Variants in THRB observed in about 807,000 individuals in gnomAD.
THRB encodes the protein thyroid hormone receptor beta, also known as nuclear receptor subfamily 1 group A member 2.
In THRB, 12 loss-of-function variants were observed where a neutral mutation model predicts 47.8. The observed-to-expected ratio is 0.25, with a 90% CI of 0.16 to 0.41. THRB has a LOEUF of 0.41. Among genes scored for constraint, THRB ranks in the 10% least tolerant of loss-of-function variants. The probability of loss-of-function intolerance (pLI) is 1.00; values close to 1 mark genes in which losing one functional copy is unlikely to be tolerated. For missense variants in THRB, 348 were observed against 589.2 expected, an observed-to-expected ratio of 0.59 and a Z score of 4.24; for synonymous variants, 218 against 212.2, an observed-to-expected ratio of 1.03 and a Z score of -0.24.
chr3:24,373,153 AG>A (rs1486773616), intron 1 of THRB, among the ~76,000 whole-genome samples: 1 of 152,098 alleles, frequency 6.6e-6, no homozygotes, highest in African/African-American at 2.4e-5. Flanking sequence ...TTAAAAAAAA[AG>A]TTAGAAAACC....
In THRB at chr3:24,160,139, G is replaced by T. The variant is rs1334969971; in HGVS notation, c.284-7649C>A. 2.0e-5 allele frequency among the ~76,000 whole-genome samples: 3 copies of T among 152,260 alleles called. No homozygotes were observed. In the East Asian group the frequency reaches 5.8e-4, roughly 29 times the overall value. On this transcript the variant is annotated intron_variant, in intron 5 of 10. Coordinates refer to ENST00000646209, the MANE Select transcript of THRB (RefSeq NM_001354712.2). ...GGCCCACCAGGGTGTGGCTGGCAGT[G>T]GGTGACAGCTGGAAGAAAGCATACT...
chr3:24,395,403 A>C (rs2150021506), intron 1 of THRB, among the ~76,000 whole-genome samples: 1 of 152,234 alleles, frequency 6.6e-6, no homozygotes, highest in Middle Eastern at 3.4e-3. Context: ...TACGTAAAGG[A>C]CTATTATAAC....
At chr3:24,316,472 G>A (rs773329459) in intron 2 of THRB, among the ~76,000 whole-genome samples, 70 of 140,264 alleles carry the variant, frequency 5.0e-4, no homozygotes, top group Non-Finnish European at 8.5e-4. Flanking sequence ...CTTCCTTCTC[G>A]CCCTCTTGCT....
chr3:24,440,877 C>T (rs890555874), intron 1 of THRB, among the ~76,000 whole-genome samples: 1 of 152,140 alleles, frequency 6.6e-6, no homozygotes, highest in Admixed American at 6.5e-5. Flanking sequence ...TGACAAATTC[C>T]TACCAAATTA....
At chr3:24,320,397 T>G (rs2058408178) in intron 2 of THRB, among the ~76,000 whole-genome samples, 1 of 152,180 alleles carries the variant, frequency 6.6e-6, no homozygotes, top group African/African-American at 2.4e-5. Context: ...TCAGTGTTTC[T>G]CAACAAGGAC....
rs373314449 is a variant in THRB, at chr3:24,313,597, T to A, written c.-188-16226A>T. On this transcript the variant is annotated intron_variant, in intron 2 of 10. Transcript: ENST00000646209. ...TATTATATGCTCTATTGTTATTTAG[T>A]GTTATCCCTTTTCACTTGATATATA... is the stretch of plus-strand genomic sequence containing the variant. Among the ~76,000 whole-genome samples, 31 of 152,340 alleles carry A rather than the reference T, an allele frequency of 2.0e-4. 1 individual carries two copies. In the South Asian group the frequency reaches 6.0e-3, roughly 30 times the overall value.
At chr3:24,334,892 T>C (rs114856810) in intron 2 of THRB, among the ~76,000 whole-genome samples, 5,065 of 152,300 alleles carry the variant, frequency 0.033, 283 homozygotes, top group African/African-American at 0.12. Flanking sequence ...TAGAATTCCA[T>C]GTCACCTGGC....
At chr3:24,399,415 A>G (rs2150063877) in intron 1 of THRB, among the ~76,000 whole-genome samples, 1 of 152,170 alleles carries the variant, frequency 6.6e-6, no homozygotes, top group East Asian at 1.9e-4. Context: ...AGCACTAGCT[A>G]TATGATTTAT....
At chr3:24,336,361 C>T (rs1253926275) in intron 2 of THRB, among the ~76,000 whole-genome samples, 2 of 152,228 alleles carry the variant, frequency 1.3e-5, no homozygotes, top group Non-Finnish European at 2.9e-5. Flanking sequence ...AAAGGCCTGG[C>T]TCCCGCAGCC....
chr3:24,216,852 C>T (rs1559631049), intron 4 of THRB, among the ~76,000 whole-genome samples: 1 of 152,086 alleles, frequency 6.6e-6, no homozygotes, highest in African/African-American at 2.4e-5. Flanking sequence ...TTAAACTTCT[C>T]ATGAATATTT....
intron 2 of THRB, among the ~76,000 whole-genome samples, chr3:24,331,179 C>G (rs77395777): frequency 6.6e-6 from 1 of 151,884 alleles, no homozygotes; most frequent in Non-Finnish European, 1.5e-5. Flanking sequence ...ATGACTTGAG[C>G]GTTAATTTCT....
At chr3:24,241,166 A>T (rs2049453798) in intron 3 of THRB, among the ~76,000 whole-genome samples, 1 of 152,184 alleles carries the variant, frequency 6.6e-6, no homozygotes, top group South Asian at 2.1e-4. Context: ...GTATTTTCCA[A>T]AAGATTGGCT....
chr3:24,172,247 C>G (rs544586280), intron 5 of THRB, among the ~76,000 whole-genome samples: 1 of 152,182 alleles, frequency 6.6e-6, no homozygotes, highest in African/African-American at 2.4e-5. Context: ...AGATTACACA[C>G]CAAGAACAGA....
At chr3:24,477,334 T>G (rs940576265) in intron 1 of THRB, among the ~76,000 whole-genome samples, 1 of 152,202 alleles carries the variant, frequency 6.6e-6, no homozygotes, top group Non-Finnish European at 1.5e-5. Context: ...AATCCTTTTA[T>G]AGTTTGTTTT....
chr3:24,416,892 A>G (rs2068779507), intron 1 of THRB, among the ~76,000 whole-genome samples: 1 of 151,882 alleles, frequency 6.6e-6, no homozygotes, highest in Admixed American at 6.6e-5. Context: ...GACTAGATAG[A>G]GTTTATTTCT....
intron 3 of THRB, among the ~76,000 whole-genome samples, chr3:24,235,933 C>T (rs973194834): frequency 1.3e-5 from 2 of 152,108 alleles, no homozygotes; most frequent in Non-Finnish European, 2.9e-5. Flanking sequence ...CTGGGTATGA[C>T]TGGAGTTCAT....
chr3:24,151,683 A>G (rs1039258240), intron 6 of THRB, among the ~76,000 whole-genome samples: 10 of 152,206 alleles, frequency 6.6e-5, no homozygotes, highest in African/African-American at 2.4e-4. Context: ...GATATTTTCC[A>G]GAAACCTTAT....
intron 3 of THRB, among the ~76,000 whole-genome samples, chr3:24,233,559 G>GAAA (rs1491308225): frequency 1.8e-4 from 9 of 50,124 alleles, no homozygotes; most frequent in Non-Finnish European, 2.9e-4. Context: ...GAAAGAAAAA[G>GAAA]GAAGAAAGAA....
chr3:24,265,305 T>C (rs530853207), intron 3 of THRB, among the ~76,000 whole-genome samples: 1 of 141,672 alleles, frequency 7.1e-6, no homozygotes, highest in African/African-American at 2.6e-5. Flanking sequence ...TACTTTGAAC[T>C]CTGAAGAAAA....
Sources: gnomAD v4.1 joint callset for allele counts (sites outside exome capture counted in the v4.1 genomes callset) on GRCh38, gnomAD v4.1.1 for gene constraint, MANE v1.5 for transcripts, NCBI Gene and HGNC (gene_info 2026-07-23, HGNC 2026-07-21) for gene names.